ARRB1: variants seen among roughly 807,000 people sequenced by gnomAD.
ARRB1 encodes arrestin beta 1.
Under a neutral mutation model 56.8 loss-of-function variants are expected in ARRB1, and 21 were observed. The ratio of observed to expected loss-of-function variants is 0.37; its 90% confidence interval spans 0.26 to 0.53. The LOEUF is 0.53. Among genes scored for constraint, ARRB1 ranks in the 20% least tolerant of loss-of-function variants. The probability of loss-of-function intolerance (pLI) is 0.88; values close to 1 mark genes in which losing one functional copy is unlikely to be tolerated. For synonymous variants in ARRB1, 210 were observed against 218.6 expected (o/e 0.96, Z 0.35); for missense variants, 424 against 553.7 (o/e 0.77, Z 2.35).
chr11:75,283,261 G>C (rs571859307), intron 5 of ARRB1, 26 bp downstream of exon 5: 5 of 1,567,898 alleles, frequency 3.2e-6, no homozygotes, highest in South Asian at 1.2e-5. Context: ...TTCTGGAATG[G>C]GGCCCCAGGG....
chr11:75,270,579 A>T (rs2140400826), intron 13 of ARRB1, among the ~76,000 whole-genome samples: 1 of 151,786 alleles, frequency 6.6e-6, no homozygotes, highest in Admixed American at 6.6e-5. Flanking sequence ...GTGAGCCAAG[A>T]TCGTGCCACT....
chr11:75,267,728 G>T (rs1945961410), intron 14 of ARRB1, 25 bp from the exon 15 acceptor site: 31 of 936,370 alleles, frequency 3.3e-5, no homozygotes, highest in Non-Finnish European at 4.4e-5. Flanking sequence ...GGTGGGCAGG[G>T]TGTCCAGGGA....
chr11:75,288,145 G>C (rs867922857), intron 2 of ARRB1, among the ~76,000 whole-genome samples: 1 of 152,110 alleles, frequency 6.6e-6, no homozygotes, highest in African/African-American at 2.4e-5. Flanking sequence ...TTACAGGCGT[G>C]AGCCACCGTG....
At chr11:75,293,006 C>A (rs978701762) in intron 1 of ARRB1, among the ~76,000 whole-genome samples, 1 of 151,912 alleles carries the variant, frequency 6.6e-6, no homozygotes, top group African/African-American at 2.4e-5. Flanking sequence ...TTTCCTAAAC[C>A]GGGTGTTTTC....
At position 75,281,969 on chromosome 11, in the gene ARRB1, G is replaced by A. The variant is rs748274343; in HGVS notation, c.407C>T (p.Thr136Met). ...CCCCTTGGGGTGACCTACCTTCCCC[G>A]TGTCTTCGGGCCCCGGCTGCAGTGT... ...SVTLQPGPED[T>M]GKACGVDYEV... is the part of the protein sequence containing the mutation. Residue 136 changes from threonine (T) to methionine (M), a missense_variant, in exon 6 of 16, where the codon ACG becomes ATG. This residue lies in a region of ARRB1 where 301 missense variants were observed against 387.9 expected (regional missense o/e 0.78). Coordinates refer to ENST00000420843, the MANE Select transcript of ARRB1 (RefSeq NM_004041.5). 16 of 1,613,962 alleles carry A rather than the reference G, an allele frequency of 9.9e-6. No homozygotes were observed. The highest frequency in any genetic ancestry group is 5.3e-5 in the African/African-American group (4 of 74,910).
chr11:75,269,111 C>G (rs192120204), intron 13 of ARRB1, 152 bp from the exon 14 acceptor site: 4 of 807,108 alleles, frequency 5.0e-6, no homozygotes, highest in Admixed American at 3.9e-5. Flanking sequence ...TTCTGCCACT[C>G]GGAGCCTCGG....
chr11:75,277,619 C>T (rs910649798), intron 8 of ARRB1, among the ~76,000 whole-genome samples, 171 bp from the exon 9 acceptor site: 1 of 152,214 alleles, frequency 6.6e-6, no homozygotes, highest in Admixed American at 6.5e-5. Flanking sequence ...AGGTTCATGC[C>T]CCCTCTGCCA....
chr11:75,297,512 T>A (rs1487561688), intron 1 of ARRB1, among the ~76,000 whole-genome samples: 1 of 152,040 alleles, frequency 6.6e-6, no homozygotes, highest in Non-Finnish European at 1.5e-5. Flanking sequence ...CTAGGACAAC[T>A]GGATAGTCGC....
chr11:75,267,615 C>T, intron 15 of ARRB1, 37 bp downstream of exon 15: 5 of 1,353,104 alleles, frequency 3.7e-6, no homozygotes, highest in Non-Finnish European at 4.2e-6. Flanking sequence ...CCACCCGCGG[C>T]CCACCCCCGG....
intron 1 of ARRB1, among the ~76,000 whole-genome samples, chr11:75,322,613 G>A (rs1254920553): frequency 2.6e-5 from 4 of 152,230 alleles, no homozygotes; most frequent in African/African-American, 9.6e-5. Context: ...CATGGGGGCA[G>A]GGCCTGGTCA....
intron 8 of ARRB1, 32 bp downstream of exon 8, chr11:75,278,576 GC>G: frequency 6.2e-7 from 1 of 1,613,194 alleles, no homozygotes; most frequent in Admixed American, 1.7e-5. Context: ...TGGTGGAGCA[GC>G]CCCCACCCCC....
intron 13 of ARRB1, chr11:75,269,250 G>A (rs761430206): frequency 2.0e-5 from 13 of 636,188 alleles, no homozygotes; most frequent in East Asian, 9.9e-5. Context: ...AGGATTGCCC[G>A]GGGCAGCATG....
chr11:75,337,844 A>G (rs1179118646), intron 1 of ARRB1, among the ~76,000 whole-genome samples: 2 of 114,304 alleles, frequency 1.7e-5, no homozygotes, highest in Non-Finnish European at 3.3e-5. Context: ...CCTGTTGCCC[A>G]GGCTGGAGTG....
chr11:75,300,895 G>C lies in ARRB1; in HGVS notation c.21-10856C>G, dbSNP rs1265754147. Among the ~76,000 whole-genome samples the C allele has an allele frequency of 2.6e-4, 39 of 147,776 alleles. 2 individuals are homozygous for C. The highest frequency in any genetic ancestry group is 3.4e-3 in the Middle Eastern group (1 of 290). ...AGGCAGGAGAATGGCGTGAACCCGG[G>C]AGGCGGAGCTTGCAGTGAGCCGAGA... On this transcript the variant is annotated intron_variant, in intron 1 of 15. Coordinates refer to ENST00000420843, the MANE Select transcript of ARRB1 (RefSeq NM_004041.5).
intron 1 of ARRB1, among the ~76,000 whole-genome samples, chr11:75,290,685 C>G (rs372840252): frequency 1.3e-5 from 2 of 152,184 alleles, no homozygotes; most frequent in Non-Finnish European, 2.9e-5. Flanking sequence ...TGGGCTCAAA[C>G]GATCCTCCTG....
At chr11:75,350,541 G>A (rs368671902) in intron 1 of ARRB1, among the ~76,000 whole-genome samples, 17 of 152,220 alleles carry the variant, frequency 1.1e-4, no homozygotes, top group Admixed American at 1.0e-3. Flanking sequence ...GGTCCTGTCT[G>A]AAGGGCTGCC....
intron 1 of ARRB1, among the ~76,000 whole-genome samples, chr11:75,326,724 CTTT>C (rs34937667): frequency 4.8e-5 from 6 of 123,788 alleles, no homozygotes; most frequent in Non-Finnish European, 5.0e-5. Context: ...AAATTACTGT[CTTT>C]TTTTTTTTTT....
chr11:75,290,074 C>T (rs374327011), intron 1 of ARRB1, 35 bp from the exon 2 acceptor site: 540 of 1,613,630 alleles, frequency 3.3e-4, no homozygotes, highest in Non-Finnish European at 4.3e-4. Context: ...CCAGGGTTCG[C>T]GTATCCTGCC....
At chr11:75,313,440 T>C (rs1947205605) in intron 1 of ARRB1, among the ~76,000 whole-genome samples, 1 of 152,256 alleles carries the variant, frequency 6.6e-6, no homozygotes, top group African/African-American at 2.4e-5. Flanking sequence ...CAGCCAAGGC[T>C]TCAGGCTAGG....
Sources: allele counts gnomAD v4.1 joint callset (sites outside exome capture counted in the v4.1 genomes callset), GRCh38; gene constraint gnomAD v4.1.1; regional missense constraint gnomAD v4.1.1; transcripts MANE v1.5; gene names NCBI Gene and HGNC (gene_info 2026-07-23, HGNC 2026-07-21).